HSPA4L: variants seen among roughly 807,000 people sequenced by gnomAD.
HSPA4L encodes heat shock protein family A (Hsp70) member 4 like.
Under a neutral mutation model 100.3 loss-of-function variants are expected in HSPA4L, and 48 were observed. That is an observed-to-expected ratio of 0.48 (90% CI 0.38 to 0.61). The LOEUF is 0.61. Ranked by LOEUF, HSPA4L falls within the 20% of genes least tolerant of loss-of-function variation. The pLI, the probability that HSPA4L is intolerant of heterozygous loss-of-function variation, is 0.00. For synonymous variants in HSPA4L, 319 were observed against 328.2 expected, an observed-to-expected ratio of 0.97 and a Z score of 0.30; for missense variants, 886 against 988.6, an observed-to-expected ratio of 0.90 and a Z score of 1.39.
At chr4:127,797,619 T>TC (rs34082935) in intron 3 of HSPA4L, among the ~76,000 whole-genome samples, 1 of 151,034 alleles carries the variant, frequency 6.6e-6, no homozygotes, top group Non-Finnish European at 1.5e-5. Flanking sequence ...TTTTTTTTTT[T>TC]GAGACGGAGT....
chr4:127,798,733 T>C (rs763756637), intron 4 of HSPA4L, 24 bp downstream of exon 4: 9 of 1,606,844 alleles, frequency 5.6e-6, no homozygotes, highest in Non-Finnish European at 7.7e-6. Flanking sequence ...CAGTAATGAA[T>C]ACCCTTGAAT....
Position 127,836,633 on chromosome 4 carries a change from T to C in HSPA4L, c.*3759T>C, listed in dbSNP as rs1734219130. 6.6e-6 allele frequency: 1 copy of C among 151,944 alleles called. No individual in the cohort carries two copies. Among genetic ancestry groups the C allele is most frequent in the African/African-American group, 2.4e-5 (1 of 41,404 alleles). 9.4% of individuals were successfully genotyped at this position (151,944 alleles called of 1,614,324 possible). ...AACATAATGTCAGTGTTAAAGCACT[T>C]AATCCAAATTAGCCCATCTTTAACT... On this transcript the variant is annotated 3_prime_UTR_variant, in exon 19 of 19. Coordinates refer to ENST00000296464, the MANE Select transcript of HSPA4L (RefSeq NM_014278.4).
intron 8 of HSPA4L, among the ~76,000 whole-genome samples, chr4:127,804,490 C>T (rs1192267549): frequency 6.6e-6 from 1 of 152,012 alleles, no homozygotes; most frequent in African/African-American, 2.4e-5. Flanking sequence ...CCTGTAACCC[C>T]AGCTATTCAG....
intron 12 of HSPA4L, among the ~76,000 whole-genome samples, chr4:127,816,703 G>A (rs1009437134): frequency 1.3e-5 from 2 of 152,172 alleles, no homozygotes; most frequent in Non-Finnish European, 2.9e-5. Flanking sequence ...CAAATGCTGG[G>A]TCATTTATAC....
chr4:127,832,731 G>GC lies in HSPA4L; in HGVS notation c.2378dup (p.Glu794ArgfsTer4). On this transcript the variant is annotated frameshift_variant, in exon 19 of 19. Coordinates refer to ENST00000296464, the MANE Select transcript of HSPA4L (RefSeq NM_014278.4). LOFTEE classifies it high-confidence loss of function. ...CATCATTTACAAGCCCAAACCAAAA[G>GC]CAGAAGTTCCTGAAGACAAACCAAA... The GC allele has an allele frequency of 1.2e-6, 2 of 1,612,880 alleles. No homozygotes were observed. The highest frequency in any genetic ancestry group is 1.7e-6 in the Non-Finnish European group (2 of 1,179,426).
At chr4:127,798,809 C>A in intron 4 of HSPA4L, 100 bp downstream of exon 4, 1 of 1,127,706 alleles carries the variant, frequency 8.9e-7, no homozygotes, top group Non-Finnish European at 1.2e-6. Context: ...CTGCCCTTAT[C>A]CAGTAAATAA....
At chr4:127,826,518 T>C (rs926806439) in intron 16 of HSPA4L, among the ~76,000 whole-genome samples, 1 of 152,194 alleles carries the variant, frequency 6.6e-6, no homozygotes, top group Non-Finnish European at 1.5e-5. Context: ...GAACTCTGAA[T>C]AAAGACTGTA....
At chr4:127,801,113 C>G in intron 4 of HSPA4L, 25 bp from the exon 5 acceptor site, 2 of 1,524,366 alleles carry the variant, frequency 1.3e-6, no homozygotes, top group Non-Finnish European at 1.8e-6. Flanking sequence ...AAACATTATA[C>G]TTAACTGTTG....
intron 13 of HSPA4L, among the ~76,000 whole-genome samples, chr4:127,819,315 G>A (rs1733750654): frequency 6.6e-6 from 1 of 152,072 alleles, no homozygotes. Context: ...AACTCTTAAA[G>A]CTATCATCTT....
chr4:127,820,915 ATC>A (rs1167707080), intron 14 of HSPA4L, among the ~76,000 whole-genome samples: 2 of 152,122 alleles, frequency 1.3e-5, no homozygotes. Context: ...TAAAGATTAT[ATC>A]TCTGTTCAAA....
At chr4:127,831,522 AAGG>A (rs1734081660) in intron 18 of HSPA4L, among the ~76,000 whole-genome samples, 1 of 150,618 alleles carries the variant, frequency 6.6e-6, no homozygotes, top group African/African-American at 2.4e-5. Context: ...AAAAAAAAAA[AAGG>A]AAGCAATCTA....
chr4:127,827,574 T>A, intron 17 of HSPA4L, 150 bp downstream of exon 17: 3 of 739,672 alleles, frequency 4.1e-6, no homozygotes, highest in South Asian at 5.1e-5. Flanking sequence ...CTTTTTTTTT[T>A]ATTGGAGAAT....
chr4:127,797,775 G>A (rs1733065958), intron 3 of HSPA4L, among the ~76,000 whole-genome samples: 1 of 151,756 alleles, frequency 6.6e-6, no homozygotes, highest in Admixed American at 6.6e-5. Flanking sequence ...CTAAGTTTTT[G>A]TATTTTTAGT....
chr4:127,826,233 C>T (rs1294088690), intron 16 of HSPA4L, among the ~76,000 whole-genome samples: 2 of 152,054 alleles, frequency 1.3e-5, no homozygotes, highest in Non-Finnish European at 2.9e-5. Flanking sequence ...CAAAGCAAGA[C>T]CCCATCTCTA....
At chr4:127,816,617 C>G (rs960907730) in intron 12 of HSPA4L, among the ~76,000 whole-genome samples, 3 of 152,048 alleles carry the variant, frequency 2.0e-5, no homozygotes, top group African/African-American at 7.2e-5. Context: ...GATAAAGATA[C>G]AGTCATAAGT....
At chr4:127,820,599 G>A (rs1578717686) in intron 14 of HSPA4L, 34 bp downstream of exon 14, 3 of 1,575,980 alleles carry the variant, frequency 1.9e-6, no homozygotes, top group Non-Finnish European at 2.6e-6. Flanking sequence ...GAAATAGGTG[G>A]TAGTTTATTC....
In HSPA4L at chr4:127,801,830, A is replaced by G. The variant is rs774483616; in HGVS notation, c.575A>G (p.Asp192Gly). 42 of 1,611,504 alleles carry G rather than the reference A, an allele frequency of 2.6e-5. No homozygotes were observed. Among genetic ancestry groups the G allele is most frequent in the Non-Finnish European group, 3.6e-5 (42 of 1,178,284 alleles). Residue 192 changes from aspartate to glycine, a missense_variant, in exon 6 of 19, where the codon GAT becomes GGT. Coordinates refer to ENST00000296464, the MANE Select transcript of HSPA4L (RefSeq NM_014278.4). ...GIYKQDLPPL[D>G]EKPRNVVFID... ...TATAAACAGGATCTTCCCCCATTAGATGAGAAACCAAGAAATGTAGTATTT... is the reference window on the plus strand; with the variant it reads ...TATAAACAGGATCTTCCCCCATTAGGTGAGAAACCAAGAAATGTAGTATTT...
At chr4:127,784,902 A>G (rs970987379) in intron 1 of HSPA4L, among the ~76,000 whole-genome samples, 1 of 152,254 alleles carries the variant, frequency 6.6e-6, no homozygotes, top group Non-Finnish European at 1.5e-5. Context: ...TCATATTCCA[A>G]TTGCTTACAT....
rs201654252 is a variant in HSPA4L at position 127,832,874 on chromosome 4, A to C, written c.2520A>C (p.Ter840TyrextTer8). 3 of 1,591,292 alleles carry C rather than the reference A, an allele frequency of 1.9e-6. No homozygotes were observed. In the African/African-American group the frequency reaches 4.0e-5, roughly 21 times the overall value. ...CCTCTGGAGAGATGGAAGTGGACTA[A>C]GTCTTAATTTTACCTTCACATTAAT... ...TKSSGEMEVD[*>Y] is the part of the protein sequence containing the mutation. The change falls in exon 19 of 19, where the codon TAA becomes TAC. Residue 840 changes from the stop codon to tyrosine, a stop_lost. Transcript: ENST00000296464.
Sources: allele counts gnomAD v4.1 joint callset (sites outside exome capture counted in the v4.1 genomes callset), GRCh38; gene constraint gnomAD v4.1.1; transcripts MANE v1.5; gene names NCBI Gene and HGNC (gene_info 2026-07-23, HGNC 2026-07-21).